The following CLNK variants were observed in gnomAD, a reference collection of about 807,000 sequenced individuals.
CLNK encodes cytokine-dependent hematopoietic cell linker.
In CLNK, 74 loss-of-function variants were observed where a neutral mutation model predicts 68.6. The ratio of observed to expected loss-of-function variants is 1.08; its 90% CI spans 0.89 to 1.31. The LOEUF is 1.31. Ranked by LOEUF, CLNK falls within the 50% of genes most tolerant of loss-of-function variation. CLNK has a pLI of 0.00. For synonymous variants in CLNK, 198 were observed against 172.2 expected, an observed-to-expected ratio of 1.15 and a Z score of -1.17; for missense variants, 553 against 515.3, an observed-to-expected ratio of 1.07 and a Z score of -0.71.
At chr4:10,668,586 T>C (rs1724500413) in intron 1 of CLNK, among the ~76,000 whole-genome samples, 2 of 152,054 alleles carry the variant, frequency 1.3e-5, no homozygotes, top group Non-Finnish European at 2.9e-5. Flanking sequence ...AAAGAGACCA[T>C]TTAAAAGGTG....
At chr4:10,649,373 G>A (rs2108881082) in intron 2 of CLNK, among the ~76,000 whole-genome samples, 1 of 152,280 alleles carries the variant, frequency 6.6e-6, no homozygotes, top group East Asian at 1.9e-4. Flanking sequence ...GAATAAAGAT[G>A]AGAACCTAGA....
intron 18 of CLNK, among the ~76,000 whole-genome samples, chr4:10,492,295 G>T (rs1716612966): frequency 6.6e-6 from 1 of 152,084 alleles, no homozygotes; most frequent in African/African-American, 2.4e-5. Context: ...AACAAACCAG[G>T]GTAGAGATGA....
chr4:10,615,374 G>C (rs1467264999), intron 2 of CLNK, among the ~76,000 whole-genome samples: 1 of 152,068 alleles, frequency 6.6e-6, no homozygotes, highest in Non-Finnish European at 1.5e-5. Flanking sequence ...CCAGATACTT[G>C]GGATTGGAAG....
the CLNK span, among the ~76,000 whole-genome samples, chr4:10,710,801 A>C: frequency 0.95 from 143,916 of 152,264 alleles, 68,140 homozygotes; most frequent in East Asian, 1. Flanking sequence ...TGACATTGTC[A>C]TCTCCTCACA....
intron 16 of CLNK, 115 bp downstream of exon 16, chr4:10,513,349 G>A (rs1717681399): frequency 1.1e-6 from 1 of 942,942 alleles, no homozygotes; most frequent in Non-Finnish European, 1.6e-6. Flanking sequence ...CATATAGCCA[G>A]AAGGGAAAAA....
chr4:10,723,819 C>T, the CLNK span, among the ~76,000 whole-genome samples: 1 of 141,890 alleles, frequency 7.0e-6, no homozygotes, highest in Admixed American at 7.5e-5. Context: ...AGTTAGATCA[C>T]ATTAATCTGT....
chr4:10,520,423 G>A (rs1488659073), intron 15 of CLNK, among the ~76,000 whole-genome samples: 2 of 152,226 alleles, frequency 1.3e-5, no homozygotes, highest in East Asian at 3.8e-4. Context: ...CTCACACACT[G>A]TTGGTGAGAC....
the CLNK span, among the ~76,000 whole-genome samples, chr4:10,725,239 A>C: frequency 1.4e-5 from 2 of 147,648 alleles, no homozygotes; most frequent in Non-Finnish European, 3.0e-5. Flanking sequence ...CCTTGACTGG[A>C]GCACACCCTT....
intron 8 of CLNK, among the ~76,000 whole-genome samples, chr4:10,547,499 A>T (rs932784747): frequency 6.6e-5 from 10 of 152,276 alleles, no homozygotes; most frequent in Non-Finnish European, 8.8e-5. Flanking sequence ...TGGTAAGAAC[A>T]CTTAGCATAA....
At chr4:10,518,646 G>T (rs1436122585) in intron 15 of CLNK, among the ~76,000 whole-genome samples, 1 of 152,146 alleles carries the variant, frequency 6.6e-6, no homozygotes, top group African/African-American at 2.4e-5. Context: ...ACTTGCTTGG[G>T]ATCCTAATAG....
chr4:10,684,003 C>T (rs1725179456), intron 1 of CLNK, among the ~76,000 whole-genome samples: 1 of 152,154 alleles, frequency 6.6e-6, no homozygotes, highest in Non-Finnish European at 1.5e-5. Flanking sequence ...ATCAAAGTAT[C>T]CATATTTTGA....
At chr4:10,535,222 A>AGAAAGAAT (rs1491254934) in intron 11 of CLNK, among the ~76,000 whole-genome samples, 1 of 78,784 alleles carries the variant, frequency 1.3e-5, no homozygotes, top group Non-Finnish European at 2.6e-5. Flanking sequence ...AGAGAAAGAA[A>AGAAAGAAT]GAAAGAAAGA....
intron 1 of CLNK, among the ~76,000 whole-genome samples, chr4:10,683,931 A>T (rs4697647): frequency 0.29 from 43,596 of 151,968 alleles, 6,412 homozygotes; most frequent in South Asian, 0.34. Context: ...AATGAGTAAC[A>T]CTGGTGTAAA....
At chr4:10,704,709 T>A in the CLNK span, among the ~76,000 whole-genome samples, 1 of 152,184 alleles carries the variant, frequency 6.6e-6, no homozygotes, top group Non-Finnish European at 1.5e-5. Context: ...CAAGCCCCCC[T>A]GTGCTCAACA....
In CLNK at chr4:10,542,118, A is replaced by G. The variant is rs374631539; in HGVS notation, c.472-77T>C. 219 of 1,337,078 alleles carry G rather than the reference A, an allele frequency of 1.6e-4. No individual in the cohort carries two copies. In the African/African-American group the frequency reaches 2.3e-3, roughly 14 times the overall value. The allele number at this position is 1,337,078 out of a possible 1,614,324, so 82.8% of individuals were successfully genotyped here. A position where few individuals can be genotyped will look rare whatever the true frequency, so the allele number is the denominator to read the frequency against. On this transcript the variant is annotated intron_variant, in intron 9 of 18. Coordinates refer to ENST00000226951, the MANE Select transcript of CLNK (RefSeq NM_052964.4). ...CCAATGGCTAACAGTTTTTTGGTTT[A>G]CAAATAGAAATTACAAATTGTGATC...
At chr4:10,611,298 C>T (rs1388720250) in intron 2 of CLNK, among the ~76,000 whole-genome samples, 1 of 152,026 alleles carries the variant, frequency 6.6e-6, no homozygotes, top group Non-Finnish European at 1.5e-5. Flanking sequence ...AGCCTGGTGA[C>T]AGAGCAAGGC....
chr4:10,713,455 G>A, the CLNK span, among the ~76,000 whole-genome samples: 1 of 152,142 alleles, frequency 6.6e-6, no homozygotes, highest in Non-Finnish European at 1.5e-5. Context: ...GCCAAAAGGA[G>A]GTGGAGGAGA....
At chr4:10,584,991 T>C in intron 3 of CLNK, 36 bp from the exon 4 acceptor site, 5 of 1,611,664 alleles carry the variant, frequency 3.1e-6, no homozygotes, top group Non-Finnish European at 4.2e-6. Flanking sequence ...AAATGTCCAT[T>C]GCTCCACCTC....
chr4:10,581,804 G>T (rs1720794932), intron 4 of CLNK, among the ~76,000 whole-genome samples: 1 of 152,080 alleles, frequency 6.6e-6, no homozygotes, highest in Admixed American at 6.6e-5. Context: ...AAATGCAAAT[G>T]AAATAATAGA....
Sources: allele counts gnomAD v4.1 joint callset (sites outside exome capture counted in the v4.1 genomes callset), GRCh38; gene constraint gnomAD v4.1.1; transcripts MANE v1.5; gene names NCBI Gene and HGNC (gene_info 2026-07-23, HGNC 2026-07-21).